ARHGEF7: variants seen among roughly 807,000 people sequenced by gnomAD.
ARHGEF7 encodes the protein Rho guanine nucleotide exchange factor 7.
A neutral mutation model predicts 109.8 loss-of-function variants in ARHGEF7; 33 were observed. The ratio of observed to expected loss-of-function variants is 0.30; its 90% confidence interval spans 0.23 to 0.40. ARHGEF7 has a LOEUF of 0.40. Ranked by LOEUF, ARHGEF7 falls within the 10% of genes least tolerant of loss-of-function variation. ARHGEF7 has a pLI of 1.00. For missense variants in ARHGEF7, 938 were observed against 1,098.5 expected (o/e 0.85, Z 2.07); for synonymous variants, 458 against 424.6 (o/e 1.08, Z -0.97).
chr13:111,208,683 G>A (rs1173448163), intron 3 of ARHGEF7, among the ~76,000 whole-genome samples: 1 of 152,120 alleles, frequency 6.6e-6, no homozygotes, highest in Non-Finnish European at 1.5e-5. Context: ...CGGGTTGCCT[G>A]AGACCCCTGT....
intron 4 of ARHGEF7, among the ~76,000 whole-genome samples, chr13:111,211,562 G>A (rs1394108571): frequency 3.3e-5 from 5 of 152,078 alleles, no homozygotes; most frequent in African/African-American, 1.2e-4. Flanking sequence ...ATAGACTTGC[G>A]CTCTCTGACC....
chr13:111,277,669 A>T lies in ARHGEF7; in HGVS notation c.1502A>T (p.Tyr501Phe). The T allele has an allele frequency of 1.3e-6, 2 of 1,581,410 alleles. No homozygotes were observed. The highest frequency in any genetic ancestry group is 1.7e-6 in the Non-Finnish European group (2 of 1,150,760). Residue 501 changes from tyrosine to phenylalanine, a missense_variant, in exon 13 of 22, where the codon TAT (tyrosine) becomes TTT (phenylalanine). This residue lies in a region of ARHGEF7 where 585 missense variants were observed against 723.6 expected (regional missense o/e 0.81). Coordinates refer to ENST00000646102, the MANE Select transcript of ARHGEF7 (RefSeq NM_001354046.2). Reference sequence around the variant, plus strand: ...AGTCCTAGGATGAGTGGCTTTATCTATCAGGTAAAACACAATTTAAATTTA... The same window carrying T: ...AGTCCTAGGATGAGTGGCTTTATCTTTCAGGTAAAACACAATTTAAATTTA... ...SASPRMSGFI[Y>F]QGKLPTTGMT... is the part of the protein sequence containing the mutation.
At chr13:111,233,136 G>C (rs1206842829) in intron 5 of ARHGEF7, 69 bp from the exon 6 acceptor site, 34 of 1,318,234 alleles carry the variant, frequency 2.6e-5, no homozygotes, top group Admixed American at 5.0e-5. Context: ...TCCTTGGCCT[G>C]TGTGAGGGGC....
At chr13:111,235,465 C>A (rs903548077) in intron 6 of ARHGEF7, among the ~76,000 whole-genome samples, 2 of 152,172 alleles carry the variant, frequency 1.3e-5, no homozygotes, top group Non-Finnish European at 2.9e-5. Context: ...CCAACTCTTT[C>A]ATACAGAATG....
Position 111,244,278 on chromosome 13 carries a change from T to G in ARHGEF7, c.934T>G (p.Leu312Val), listed in dbSNP as rs2088369381. ...CSFQQMLVQSLEECTKLPEAQ... is the reference protein window; with the variant it reads ...CSFQQMLVQSVEECTKLPEAQ... ...TTTCCAGCAAATGCTCGTACAGTCTTTAGAAGAATGCACCAAGTAAGTAAG... is the reference window on the plus strand; with the variant it reads ...TTTCCAGCAAATGCTCGTACAGTCTGTAGAAGAATGCACCAAGTAAGTAAG... Residue 312 changes from leucine (L) to valine (V), a missense_variant, in exon 8 of 22, where the codon TTA becomes GTA. By Grantham distance (32) the Leu-to-Val change is conservative. This residue lies in a region of ARHGEF7 where 585 missense variants were observed against 723.6 expected (regional missense o/e 0.81). Transcript: ENST00000646102. 1 of 1,599,324 alleles carries G rather than the reference T, an allele frequency of 6.3e-7. No individual in the cohort carries two copies. Among genetic ancestry groups the G allele is most frequent in the Admixed American group, 1.8e-5 (1 of 56,802 alleles).
At chr13:111,225,373 G>T (rs1229792007) in intron 5 of ARHGEF7, among the ~76,000 whole-genome samples, 3 of 152,116 alleles carry the variant, frequency 2.0e-5, no homozygotes, top group African/African-American at 7.2e-5. Context: ...CACTCCCACA[G>T]CCCTGATCCA....
In ARHGEF7 at chr13:111,283,164, CCAGCAAGCACGCAGA is replaced by C; in HGVS notation, c.1760_1774del (p.His587_Lys591del). On this transcript the variant is annotated inframe_deletion, in exon 16 of 22. Coordinates refer to ENST00000646102, the MANE Select transcript of ARHGEF7 (RefSeq NM_001354046.2). ...CTCCCCTCCCACCCGGTCACTCCGTCCAGCAAGCACGCAGACAGCAAGCCCGCGCCGCTGACGCCC... is the reference window on the plus strand; with the variant it reads ...CTCCCCTCCCACCCGGTCACTCCGTCCAGCAAGCCCGCGCCGCTGACGCCC... 1.9e-6 allele frequency: 3 copies of C among 1,594,194 alleles called. No homozygotes were observed. The highest frequency in any genetic ancestry group is 2.6e-6 in the Non-Finnish European group (3 of 1,171,080).
At chr13:111,275,459 A>G in intron 11 of ARHGEF7, 73 bp from the exon 12 acceptor site, 1 of 1,522,332 alleles carries the variant, frequency 6.6e-7, no homozygotes, top group Admixed American at 1.7e-5. Context: ...TAAGGATGAT[A>G]CAAAGCAATG....
chr13:111,223,031 T>C (rs2084678983), intron 5 of ARHGEF7, among the ~76,000 whole-genome samples: 1 of 152,254 alleles, frequency 6.6e-6, no homozygotes, highest in Non-Finnish European at 1.5e-5. Context: ...TCCATTATTG[T>C]ACCTAATTTC....
rs547593979 is a variant in ARHGEF7, at chr13:111,174,724, A to G, written c.252+20733A>G. ...TGGGTTTGCCCTGCTCTGTGTCCACACCCCGTGCCTCAGCTGTGCTAGCGG... is the reference window on the plus strand; with the variant it reads ...TGGGTTTGCCCTGCTCTGTGTCCACGCCCCGTGCCTCAGCTGTGCTAGCGG... On this transcript the variant is annotated intron_variant, in intron 2 of 21. Transcript: ENST00000646102. Among the ~76,000 whole-genome samples, 4 of 152,168 alleles carry G rather than the reference A, an allele frequency of 2.6e-5. No individual in the cohort carries two copies. In the East Asian group the frequency reaches 7.7e-4, roughly 29 times the overall value.
chr13:111,220,119 G>A (rs1224830151), intron 5 of ARHGEF7, among the ~76,000 whole-genome samples: 1 of 152,208 alleles, frequency 6.6e-6, no homozygotes, highest in Non-Finnish European at 1.5e-5. Flanking sequence ...TCCTAGCCCA[G>A]CCCCACCAGT....
chr13:111,265,797 T>A, intron 8 of ARHGEF7: 1 of 450,774 alleles, frequency 2.2e-6, no homozygotes, highest in Non-Finnish European at 4.5e-6. Context: ...GGAGCTGTTT[T>A]GCCCCTTCCC....
chr13:111,293,461 C>G (rs368449726), intron 19 of ARHGEF7: 2 of 984,368 alleles, frequency 2.0e-6, no homozygotes, highest in Middle Eastern at 5.2e-4. Flanking sequence ...AAAACTCACC[C>G]GTTTTCCTGG....
chr13:111,233,155 T>C (rs1400739934), intron 5 of ARHGEF7, 50 bp from the exon 6 acceptor site: 4 of 1,496,248 alleles, frequency 2.7e-6, no homozygotes, highest in East Asian at 2.3e-5. Flanking sequence ...GCTGGAACTT[T>C]TGTCATCTTT....
intron 15 of ARHGEF7, chr13:111,281,053 A>T (rs2092747942): frequency 6.2e-6 from 1 of 160,098 alleles, no homozygotes; most frequent in Non-Finnish European, 1.4e-5. Context: ...AAAATAAATG[A>T]TTATGATGAT....
chr13:111,213,606 TTTGTTG>T (rs910905589), intron 4 of ARHGEF7, among the ~76,000 whole-genome samples: 6 of 152,094 alleles, frequency 3.9e-5, no homozygotes, highest in African/African-American at 1.4e-4. Flanking sequence ...GGCATATCCT[TTTGTTG>T]TTGTTGTTGT....
chr13:111,180,169 C>T (rs2078598847), intron 2 of ARHGEF7, among the ~76,000 whole-genome samples: 1 of 152,178 alleles, frequency 6.6e-6, no homozygotes, highest in Non-Finnish European at 1.5e-5. Context: ...GCATCTAAGC[C>T]CGCAAGTTGT....
Position 111,232,516 on chromosome 13 carries a change from C to G in ARHGEF7, c.671-689C>G, listed in dbSNP as rs868765432. ...GCCAGGTTTTGTTTGGCAGGTGTTT[C>G]TTCGGCAGGTGTTTCTTCAGCACCT... On this transcript the variant is annotated intron_variant, in intron 5 of 21. Coordinates refer to ENST00000646102, the MANE Select transcript of ARHGEF7 (RefSeq NM_001354046.2). Among the ~76,000 whole-genome samples, 4 of 152,168 alleles carry G rather than the reference C, an allele frequency of 2.6e-5. No homozygotes were observed. In the South Asian group the frequency reaches 8.3e-4, roughly 32 times the overall value.
intron 15 of ARHGEF7, 54 bp downstream of exon 15, chr13:111,280,731 C>CT: frequency 7.0e-7 from 1 of 1,432,984 alleles, no homozygotes; most frequent in South Asian, 1.6e-5. Flanking sequence ...CATCCCGTGG[C>CT]TGAGCTGTCA....
Sources: gnomAD v4.1 joint callset for allele counts (sites outside exome capture counted in the v4.1 genomes callset) on GRCh38, gnomAD v4.1.1 for gene constraint, gnomAD v4.1.1 regional missense constraint, MANE v1.5 for transcripts, NCBI Gene and HGNC (gene_info 2026-07-23, HGNC 2026-07-21) for gene names.